The following EYS variants were observed in gnomAD, a reference collection of about 807,000 sequenced individuals.
EYS encodes the protein protein eyes shut homolog.
Under a neutral mutation model 282.1 loss-of-function variants are expected in EYS, and 250 were observed. The ratio of observed to expected loss-of-function variants is 0.89; its 90% CI spans 0.80 to 0.98. EYS has a LOEUF of 0.98. Ranked by LOEUF, EYS falls within the 50% of genes least tolerant of loss-of-function variation. The pLI, the probability that EYS is intolerant of heterozygous loss-of-function variation, is 0.00. For missense variants in EYS, 4,016 were observed against 3,709.0 expected (o/e 1.08, Z -2.15); for synonymous variants, 1,355 against 1,282.9 (o/e 1.06, Z -1.20).
intron 12 of EYS, among the ~76,000 whole-genome samples, chr6:65,258,729 C>T (rs1415484719): frequency 6.6e-6 from 1 of 152,104 alleles, no homozygotes; most frequent in South Asian, 2.1e-4. Context: ...TATGCCACTG[C>T]AGGAGATACA....
intron 8 of EYS, among the ~76,000 whole-genome samples, chr6:65,363,594 A>C (rs1764799886): frequency 6.6e-6 from 1 of 151,906 alleles, no homozygotes; most frequent in Admixed American, 6.6e-5. Context: ...CATCTTTAAC[A>C]GGCTAAAAGT....
rs1195423973 is a variant in EYS at position 64,033,844 on chromosome 6, C to CTA, written c.6725+32493_6725+32494insTA. On this transcript the variant is annotated intron_variant, in intron 33 of 42. Transcript: ENST00000503581. ...ATGAGATTACTCTCTCTCTCTCTCTCTCTATATATATATATATAAAATTGG... is the reference window on the plus strand; with the variant it reads ...ATGAGATTACTCTCTCTCTCTCTCTCTATCTATATATATATATATAAAATTGG... Among the ~76,000 whole-genome samples the CTA allele has an allele frequency of 6.5e-4, 92 of 141,058 alleles. 1 individual carries two copies. Among genetic ancestry groups the CTA allele is most frequent in the African/African-American group, 1.6e-3 (61 of 37,638 alleles). The allele number at this position is 141,058 out of a possible 152,430, so 92.5% of individuals were successfully genotyped here.
At chr6:64,274,070 T>C (rs991762324) in intron 30 of EYS, among the ~76,000 whole-genome samples, 2 of 152,208 alleles carry the variant, frequency 1.3e-5, no homozygotes, top group African/African-American at 4.8e-5. Flanking sequence ...CAAGAAATTG[T>C]TTCCCAGATC....
chr6:64,933,510 T>C (rs946109121), intron 15 of EYS, among the ~76,000 whole-genome samples: 5 of 152,036 alleles, frequency 3.3e-5, no homozygotes, highest in African/African-American at 4.8e-5. Context: ...TGTGGAGAAA[T>C]AGGAATGCTT....
At chr6:65,573,251 A>G (rs577305981) in intron 2 of EYS, among the ~76,000 whole-genome samples, 34 of 152,268 alleles carry the variant, frequency 2.2e-4, no homozygotes, top group African/African-American at 7.5e-4. Context: ...GCAAAAATGG[A>G]AAACATGTAT....
At chr6:64,001,940 G>T (rs567002148) in intron 33 of EYS, among the ~76,000 whole-genome samples, 34 of 152,314 alleles carry the variant, frequency 2.2e-4, no homozygotes, top group Non-Finnish European at 4.7e-4. Context: ...GCCTGTGCCT[G>T]AGAAACTAAA....
chr6:65,203,891 A>AT (rs1473292080), intron 12 of EYS, among the ~76,000 whole-genome samples: 2 of 150,538 alleles, frequency 1.3e-5, no homozygotes, highest in African/African-American at 4.9e-5. Flanking sequence ...ATAACTGGAA[A>AT]TAAAAAAAAA....
intron 26 of EYS, 146 bp from the exon 27 acceptor site, chr6:64,439,498 G>A (rs1006676946): frequency 2.0e-6 from 1 of 487,882 alleles, no homozygotes; most frequent in Non-Finnish European, 3.5e-6. Context: ...CTTTCCTTTG[G>A]AATAGTCATG....
chr6:63,738,928 A>T (rs1769001365), intron 41 of EYS, among the ~76,000 whole-genome samples: 1 of 152,092 alleles, frequency 6.6e-6, no homozygotes, highest in South Asian at 2.1e-4. Context: ...CCTTTTGGAG[A>T]TCGTTGCTAC....
At chr6:64,622,465 T>A (rs1767475920) in intron 23 of EYS, among the ~76,000 whole-genome samples, 1 of 152,206 alleles carries the variant, frequency 6.6e-6, no homozygotes, top group Non-Finnish European at 1.5e-5. Flanking sequence ...CAGTGTGTTT[T>A]GCAGACTGTC....
chr6:65,255,611 T>C (rs1413867058), intron 12 of EYS, among the ~76,000 whole-genome samples: 1 of 151,884 alleles, frequency 6.6e-6, no homozygotes, highest in Non-Finnish European at 1.5e-5. Flanking sequence ...AAACTACCCA[T>C]CTGACAAGGA....
intron 2 of EYS, among the ~76,000 whole-genome samples, chr6:65,529,768 T>C (rs568056330): frequency 7.9e-5 from 12 of 152,246 alleles, no homozygotes; most frequent in Admixed American, 5.9e-4. Context: ...ATGAATGGGA[T>C]TAATGCCTTT....
intron 5 of EYS, among the ~76,000 whole-genome samples, chr6:65,408,253 T>C (rs992766312): frequency 2.6e-5 from 4 of 152,148 alleles, no homozygotes; most frequent in African/African-American, 9.6e-5. Flanking sequence ...TTTAGTTTTC[T>C]TGTGGCAGCT....
chr6:65,090,566 C>G (rs1036769841), intron 12 of EYS, among the ~76,000 whole-genome samples: 9 of 151,980 alleles, frequency 5.9e-5, no homozygotes, highest in Non-Finnish European at 1.3e-4. Flanking sequence ...AGCAGAGTAC[C>G]TTGCATATAG....
At chr6:63,749,816 T>C (rs999290156) in intron 41 of EYS, among the ~76,000 whole-genome samples, 1 of 152,106 alleles carries the variant, frequency 6.6e-6, no homozygotes, top group African/African-American at 2.4e-5. Context: ...GGTCCCAACT[T>C]CCTCCCTCTT....
At chr6:65,411,291 T>C (rs1767002098) in intron 5 of EYS, among the ~76,000 whole-genome samples, 1 of 152,222 alleles carries the variant, frequency 6.6e-6, no homozygotes, top group Non-Finnish European at 1.5e-5. Flanking sequence ...AATGTATAAA[T>C]ATATCCTGTG....
At chr6:63,724,870 A>C (rs189727781) in intron 42 of EYS, among the ~76,000 whole-genome samples, 20 of 152,110 alleles carry the variant, frequency 1.3e-4, no homozygotes, top group African/African-American at 4.8e-4. Context: ...GTTAGTTTTT[A>C]CTAATAGGTC....
At position 65,371,705 on chromosome 6, in the gene EYS, CT is replaced by C. The variant is rs1184772261; in HGVS notation, c.1299+12680del. Among the ~76,000 whole-genome samples the C allele has an allele frequency of 3.0e-3, 293 of 96,076 alleles. 2 individuals carry two copies. Among genetic ancestry groups the C allele is most frequent in the African/African-American group, 0.011 (280 of 25,280 alleles). The allele number at this position is 96,076 out of a possible 152,430, so 63.0% of individuals were successfully genotyped here. On this transcript the variant is annotated intron_variant, in intron 8 of 42. Transcript: ENST00000503581. Reference sequence around the variant, plus strand: ...AGCCTTCAAATTCCTCTCTCTCTCTCTCCCTCTCTCTCTCTCTCTCTCTCTC... The same window carrying C: ...AGCCTTCAAATTCCTCTCTCTCTCTCCCCTCTCTCTCTCTCTCTCTCTCTC...
At chr6:65,589,612 G>A (rs528373689) in intron 2 of EYS, among the ~76,000 whole-genome samples, 24 of 151,886 alleles carry the variant, frequency 1.6e-4, no homozygotes, top group Middle Eastern at 6.8e-3. Flanking sequence ...TCGCTGTATT[G>A]AAGGCCCAGA....
Sources: gnomAD v4.1 joint callset for allele counts (sites outside exome capture counted in the v4.1 genomes callset) on GRCh38, gnomAD v4.1.1 for gene constraint, MANE v1.5 for transcripts, NCBI Gene and HGNC (gene_info 2026-07-23, HGNC 2026-07-21) for gene names.